The following PLPPR1 variants were observed in gnomAD, a reference collection of about 807,000 sequenced individuals.
The protein encoded by PLPPR1 is phospholipid phosphatase related 1, also known as phospholipid phosphatase-related protein type 1.
PLPPR1 carries 10 observed loss-of-function variants against 33.1 expected under a neutral mutation model. The observed-to-expected ratio is 0.30, with a 90% CI of 0.19 to 0.51. PLPPR1 has a LOEUF of 0.51. PLPPR1 is among the 20% of genes least tolerant of loss of function. The pLI, the probability that PLPPR1 is intolerant of heterozygous loss-of-function variation, is 0.97. For synonymous variants in PLPPR1, 151 were observed against 151.0 expected (o/e 1.00, Z 0.00); for missense variants, 304 against 408.1 (o/e 0.74, Z 2.20).
intron 1 of PLPPR1, among the ~76,000 whole-genome samples, chr9:101,055,679 T>G (rs1830271308): frequency 6.6e-6 from 1 of 152,230 alleles, no homozygotes; most frequent in African/African-American, 2.4e-5. Context: ...CTTTATGTCA[T>G]AATCCAATTT....
intron 1 of PLPPR1, among the ~76,000 whole-genome samples, chr9:101,067,045 T>C (rs1279992769): frequency 2.6e-5 from 4 of 152,116 alleles, no homozygotes; most frequent in Admixed American, 6.6e-5. Context: ...TTGCCTGAGA[T>C]AGAGAGCTAG....
chr9:101,146,792 A>C (rs1831526566), intron 1 of PLPPR1, among the ~76,000 whole-genome samples: 1 of 152,216 alleles, frequency 6.6e-6, no homozygotes, highest in Admixed American at 6.5e-5. Context: ...AGAAGCTTAA[A>C]ATTCTGCCAG....
intron 2 of PLPPR1, among the ~76,000 whole-genome samples, chr9:101,191,453 C>G (rs1426684837): frequency 2.0e-5 from 3 of 152,156 alleles, no homozygotes; most frequent in African/African-American, 7.2e-5. Context: ...TCCCGTTCCA[C>G]TTCTGTTACT....
intron 1 of PLPPR1, among the ~76,000 whole-genome samples, chr9:101,175,026 T>G (rs1326521008): frequency 6.6e-6 from 1 of 152,226 alleles, no homozygotes; most frequent in Non-Finnish European, 1.5e-5. Context: ...TCTATAGCTC[T>G]TCCTAGAACT....
chr9:101,184,112 C>G (rs1564169044), intron 1 of PLPPR1, among the ~76,000 whole-genome samples: 1 of 151,518 alleles, frequency 6.6e-6, no homozygotes, highest in Admixed American at 6.6e-5. Flanking sequence ...ATATAGATTC[C>G]TTTCTTATTG....
chr9:101,288,775 A>G (rs1345938565), intron 4 of PLPPR1, among the ~76,000 whole-genome samples: 6 of 152,190 alleles, frequency 3.9e-5, no homozygotes, highest in African/African-American at 1.2e-4. Context: ...CAAGTCATCC[A>G]GGTGATTCTG....
chr9:101,160,496 T>G (rs1369062418), intron 1 of PLPPR1, among the ~76,000 whole-genome samples: 5 of 152,198 alleles, frequency 3.3e-5, no homozygotes, highest in Admixed American at 1.3e-4. Context: ...AATCAATTTT[T>G]GGGGGATTTG....
At chr9:101,246,095 TATATATATATATATAGATAG>T (rs1827603165) in intron 2 of PLPPR1, among the ~76,000 whole-genome samples, 1 of 110,368 alleles carries the variant, frequency 9.1e-6, no homozygotes, top group African/African-American at 3.1e-5. Flanking sequence ...TATATATATA[TATATATATATATATAGATAG>T]ATAGATAGAT....
chr9:101,072,133 C>G (rs1830488909), intron 1 of PLPPR1, among the ~76,000 whole-genome samples: 1 of 152,108 alleles, frequency 6.6e-6, no homozygotes, highest in Non-Finnish European at 1.5e-5. Flanking sequence ...TTTACTGTGT[C>G]AGATATCCCT....
At chr9:101,142,258 A>G (rs1034035081) in intron 1 of PLPPR1, among the ~76,000 whole-genome samples, 1 of 152,192 alleles carries the variant, frequency 6.6e-6, no homozygotes, top group Admixed American at 6.5e-5. Context: ...ACTTTGCCCT[A>G]TTAACCATTA....
chr9:101,165,178 A>G (rs1317487745), intron 1 of PLPPR1, among the ~76,000 whole-genome samples: 4 of 152,220 alleles, frequency 2.6e-5, no homozygotes, highest in Non-Finnish European at 5.9e-5. Flanking sequence ...AGAACTTTGG[A>G]GTCTGACTGA....
intron 1 of PLPPR1, among the ~76,000 whole-genome samples, chr9:101,178,018 C>T (rs529487174): frequency 6.6e-6 from 1 of 152,302 alleles, no homozygotes; most frequent in East Asian, 1.9e-4. Flanking sequence ...AAAGACATCA[C>T]TAATGTGGAG....
At chr9:101,247,537 G>T (rs980409610) in intron 2 of PLPPR1, among the ~76,000 whole-genome samples, 2 of 152,114 alleles carry the variant, frequency 1.3e-5, no homozygotes, top group African/African-American at 2.4e-5. Flanking sequence ...GCTGGTGGTT[G>T]TCTTTAGGCA....
rs115162298 is a variant in PLPPR1, at chr9:101,108,634, G to T, written c.-45-76816G>T. On this transcript the variant is annotated intron_variant, in intron 1 of 7. Transcript: ENST00000374874. ...AGACAGCAAAATGGATTTCTGTTTAGAGAAAATAAAAACCAATAGCATTGT... is the reference window on the plus strand; with the variant it reads ...AGACAGCAAAATGGATTTCTGTTTATAGAAAATAAAAACCAATAGCATTGT... 9.2e-3 allele frequency among the ~76,000 whole-genome samples: 1,395 copies of T among 152,282 alleles called. 15 individuals are homozygous for T. Among genetic ancestry groups the T allele is most frequent in the African/African-American group, 0.032 (1,343 of 41,568 alleles).
chr9:101,044,344 C>T (rs568687972), intron 1 of PLPPR1, among the ~76,000 whole-genome samples: 3 of 152,260 alleles, frequency 2.0e-5, no homozygotes, highest in Admixed American at 6.5e-5. Flanking sequence ...AGTTCATACA[C>T]GACTCCCTGA....
chr9:101,232,686 C>A (rs1039773051), intron 2 of PLPPR1, among the ~76,000 whole-genome samples: 10 of 151,868 alleles, frequency 6.6e-5, no homozygotes, highest in African/African-American at 2.4e-4. Context: ...GCCTGCTGAG[C>A]TACATCTGTG....
chr9:101,200,451 G>A (rs946729498), intron 2 of PLPPR1, among the ~76,000 whole-genome samples: 2 of 149,392 alleles, frequency 1.3e-5, no homozygotes, highest in African/African-American at 4.9e-5. Context: ...AACCCAGTAA[G>A]GCAGAGAATA....
chr9:101,108,720 C>A (rs1313886291), intron 1 of PLPPR1, among the ~76,000 whole-genome samples: 1 of 152,236 alleles, frequency 6.6e-6, no homozygotes. Flanking sequence ...AATCCCACTT[C>A]ATGCCATAAA....
chr9:101,285,847 C>T (rs564772631), intron 3 of PLPPR1, among the ~76,000 whole-genome samples: 2 of 152,256 alleles, frequency 1.3e-5, no homozygotes, highest in Admixed American at 6.5e-5. Context: ...TCTATTACAA[C>T]TTATTATTTC....
Sources: gnomAD v4.1 joint callset for allele counts (sites outside exome capture counted in the v4.1 genomes callset) on GRCh38, gnomAD v4.1.1 for gene constraint, MANE v1.5 for transcripts, NCBI Gene and HGNC (gene_info 2026-07-23, HGNC 2026-07-21) for gene names.